KCNG3: variants seen among roughly 807,000 people sequenced by gnomAD.
KCNG3 encodes potassium voltage-gated channel modifier subfamily G member 3.
In KCNG3, 15 loss-of-function variants were observed where a neutral mutation model predicts 29.0. That is an observed-to-expected ratio of 0.52 (90% CI 0.35 to 0.80). The LOEUF is 0.80. Ranked by LOEUF, KCNG3 falls within the 30% of genes least tolerant of loss-of-function variation. The pLI is 0.01. For missense variants in KCNG3, 512 were observed against 605.7 expected (o/e 0.85, Z 1.62); for synonymous variants, 322 against 248.9 (o/e 1.29, Z -2.76).
At chr2:42,476,238 G>A (rs561213061) in intron 1 of KCNG3, among the ~76,000 whole-genome samples, 61 of 151,936 alleles carry the variant, frequency 4.0e-4, no homozygotes, top group African/African-American at 1.4e-3. Flanking sequence ...TTGGGAAGCC[G>A]AGGTGGGAGG....
the KCNG3 span, among the ~76,000 whole-genome samples, chr2:42,428,458 G>GAAAAAA: frequency 1.8e-4 from 19 of 104,472 alleles, no homozygotes; most frequent in African/African-American, 3.7e-4. Context: ...CCCGGTCTCG[G>GAAAAAA]GAAAAAAAAA....
downstream of KCNG3, among the ~76,000 whole-genome samples, chr2:42,437,104 G>C (rs1458090265): frequency 6.6e-6 from 1 of 151,890 alleles, no homozygotes; most frequent in African/African-American, 2.4e-5. Flanking sequence ...ACATGAAGTG[G>C]GGTGCACCTA....
chr2:42,439,112 A>G (rs1672424129), downstream of KCNG3, among the ~76,000 whole-genome samples: 1 of 152,162 alleles, frequency 6.6e-6, no homozygotes, highest in Non-Finnish European at 1.5e-5. Context: ...TGAGTGCACA[A>G]CTGTACAGTA....
the KCNG3 span, among the ~76,000 whole-genome samples, chr2:42,418,189 G>C: frequency 6.6e-6 from 1 of 151,966 alleles, no homozygotes; most frequent in African/African-American, 2.4e-5. Flanking sequence ...CTCCTCATAA[G>C]TGGAATCATA....
intron 1 of KCNG3, among the ~76,000 whole-genome samples, chr2:42,476,426 G>A (rs2103718805): frequency 6.6e-6 from 1 of 152,036 alleles, no homozygotes; most frequent in South Asian, 2.1e-4. Context: ...GCAGTGGGCT[G>A]AGATCATGCC....
At chr2:42,401,973 G>A in the KCNG3 span, among the ~76,000 whole-genome samples, 6 of 152,174 alleles carry the variant, frequency 3.9e-5, no homozygotes, top group Non-Finnish European at 2.9e-5. Context: ...GCTGGGCTAC[G>A]GGATGCCCAG....
intron 1 of KCNG3, among the ~76,000 whole-genome samples, chr2:42,449,445 C>CAAAACCT (rs1408883392): frequency 1.4e-5 from 2 of 144,010 alleles, no homozygotes; most frequent in African/African-American, 2.6e-5. Flanking sequence ...TATAGCTCTG[C>CAAAACCT]AAAACCTAAA....
downstream of KCNG3, among the ~76,000 whole-genome samples, chr2:42,438,533 A>C (rs183620452): frequency 3.3e-5 from 5 of 152,316 alleles, no homozygotes; most frequent in Non-Finnish European, 7.3e-5. Context: ...AGTCTTGTTG[A>C]TATTTTAAAC....
intron 1 of KCNG3, among the ~76,000 whole-genome samples, chr2:42,449,221 T>C (rs1447061891): frequency 6.6e-6 from 1 of 152,178 alleles, no homozygotes; most frequent in Non-Finnish European, 1.5e-5. Flanking sequence ...AAGCACTTGC[T>C]CCTCCAACAT....
chr2:42,452,760 C>T (rs574845977), intron 1 of KCNG3, among the ~76,000 whole-genome samples: 1 of 125,388 alleles, frequency 8.0e-6, no homozygotes, highest in South Asian at 2.9e-4. Context: ...TTCCTTTATA[C>T]ATTCAACTGG....
At chr2:42,409,724 AAAAAATT>A in the KCNG3 span, among the ~76,000 whole-genome samples, 1 of 72,220 alleles carries the variant, frequency 1.4e-5, no homozygotes, top group African/African-American at 4.6e-5. Flanking sequence ...AAAAAAAAAA[AAAAAATT>A]TTTTTTTAAA....
At chr2:42,436,509 A>C in the KCNG3 span, among the ~76,000 whole-genome samples, 9 of 152,238 alleles carry the variant, frequency 5.9e-5, no homozygotes, top group Non-Finnish European at 1.2e-4. Flanking sequence ...CCACACTGCC[A>C]ATAACACTGA....
At chr2:42,408,315 C>T in the KCNG3 span, among the ~76,000 whole-genome samples, 4 of 152,144 alleles carry the variant, frequency 2.6e-5, no homozygotes, top group South Asian at 6.2e-4. Context: ...CTGCCTGTCC[C>T]GCAGACCAGA....
chr2:42,452,243 A>ATATATATATTTTTTTT, intron 1 of KCNG3, among the ~76,000 whole-genome samples: 34 of 95,050 alleles, frequency 3.6e-4, no homozygotes, highest in East Asian at 4.6e-4. Flanking sequence ...ATATATATAT[A>ATATATATATTTTTTTT]TTTTTTTTTT....
chr2:42,489,818 T>C (rs1157936342), intron 1 of KCNG3, among the ~76,000 whole-genome samples: 1 of 152,228 alleles, frequency 6.6e-6, no homozygotes, highest in Admixed American at 6.5e-5. Context: ...CTGATGCCTG[T>C]GCCCTTCCAA....
intron 1 of KCNG3, among the ~76,000 whole-genome samples, chr2:42,457,212 CG>C (rs1306107653): frequency 3.3e-5 from 5 of 151,880 alleles, no homozygotes; most frequent in South Asian, 4.1e-4. Context: ...TGGCCAAGTG[CG>C]GTAGCTCATG....
chr2:42,488,499 G>A (rs949442895), intron 1 of KCNG3, among the ~76,000 whole-genome samples: 1 of 151,742 alleles, frequency 6.6e-6, no homozygotes, highest in African/African-American at 2.4e-5. Flanking sequence ...CTCAGCCTCT[G>A]GAGTAGCTGG....
chr2:42,408,089 G>A, the KCNG3 span, among the ~76,000 whole-genome samples: 1 of 152,314 alleles, frequency 6.6e-6, no homozygotes, highest in Non-Finnish European at 1.5e-5. Context: ...CTGCCACCTT[G>A]GCCCCCTCTG....
rs376987988 is a variant in KCNG3, at chr2:42,457,183, G to C, written c.666-12604C>G. Among the ~76,000 whole-genome samples, 8 of 152,174 alleles carry C rather than the reference G, an allele frequency of 5.3e-5. No individual in the cohort carries two copies. The East Asian group carries it at 1.5e-3, about 29-fold the overall frequency. On this transcript the variant is annotated intron_variant, in intron 1 of 1. Transcript: ENST00000306078. Reference sequence around the variant, plus strand: ...CCCCACCTACAAATGAGGAGACTAAGCCAAAGAGAATTGACTAGTGGCCAA... The same window carrying C: ...CCCCACCTACAAATGAGGAGACTAACCCAAAGAGAATTGACTAGTGGCCAA...
Sources: gnomAD v4.1 joint callset for allele counts (sites outside exome capture counted in the v4.1 genomes callset) on GRCh38, gnomAD v4.1.1 for gene constraint, MANE v1.5 for transcripts, NCBI Gene and HGNC (gene_info 2026-07-23, HGNC 2026-07-21) for gene names.